Variants in GSE1 observed in about 807,000 individuals in gnomAD.
GSE1 encodes the protein genetic suppressor element 1.
A neutral mutation model predicts 112.6 loss-of-function variants in GSE1; 32 were observed. The observed-to-expected ratio is 0.28, with a 90% CI of 0.21 to 0.38. The LOEUF (loss-of-function observed/expected upper bound fraction) is 0.38. Among genes scored for constraint, GSE1 ranks in the 10% least tolerant of loss-of-function variants. The probability of loss-of-function intolerance (pLI) is 1.00; values close to 1 mark genes in which losing one functional copy is unlikely to be tolerated. For synonymous variants in GSE1, 1,115 were observed against 735.6 expected, an observed-to-expected ratio of 1.52 and a Z score of -8.35; for missense variants, 2,348 against 1,699.2, an observed-to-expected ratio of 1.38 and a Z score of -6.71.
At chr16:85,294,471 C>T (rs1336831575) in intron 1 of GSE1, among the ~76,000 whole-genome samples, 1 of 152,110 alleles carries the variant, frequency 6.6e-6, no homozygotes, top group Non-Finnish European at 1.5e-5. Context: ...AGGTTGGTTC[C>T]AGGTTCTGCT....
At chr16:85,277,045 A>G (rs1909438439) in intron 1 of GSE1, among the ~76,000 whole-genome samples, 3 of 152,136 alleles carry the variant, frequency 2.0e-5, no homozygotes, top group African/African-American at 7.2e-5. Flanking sequence ...TGGCATCTTC[A>G]AAGTCCCTAA....
intron 2 of GSE1, among the ~76,000 whole-genome samples, chr16:85,516,723 C>G (rs1203105529): frequency 2.6e-5 from 4 of 151,754 alleles, no homozygotes; most frequent in African/African-American, 9.7e-5. Flanking sequence ...TTTGAGGAGC[C>G]AGGTGGTATT....
chr16:85,468,312 C>CTT lies in GSE1; in HGVS notation c.2464+110690_2464+110691dup, dbSNP rs55873035. On this transcript the variant is annotated intron_variant, in intron 2 of 2. Transcript: ENST00000637419. The stretch of plus-strand genomic sequence containing the variant: ...CTTCTTCTTGTAGGGCCCTTCTTTC[C>CTT]TTTTTTTTTTTTTTTTTTTTTTGAG... 6.5e-3 allele frequency among the ~76,000 whole-genome samples: 753 copies of CTT among 116,602 alleles called. 11 individuals carry two copies. The highest frequency in any genetic ancestry group is 0.015 in the African/African-American group (439 of 29,326). 76.5% of individuals were successfully genotyped at this position (116,602 alleles called of 152,430 possible).
chr16:85,379,403 G>C (rs1421725116), intron 2 of GSE1, among the ~76,000 whole-genome samples: 6 of 152,222 alleles, frequency 3.9e-5, no homozygotes, highest in Non-Finnish European at 7.3e-5. Context: ...GTCAGATGTA[G>C]AAGGGAGAAC....
At chr16:85,206,672 G>A (rs1235075963) in intron 1 of GSE1, among the ~76,000 whole-genome samples, 33 of 69,486 alleles carry the variant, frequency 4.7e-4, no homozygotes, top group Non-Finnish European at 8.3e-4. Flanking sequence ...GCCCCTGCCC[G>A]TCCCCTCCCC....
At chr16:85,518,231 G>C (rs114312639) in intron 2 of GSE1, among the ~76,000 whole-genome samples, 1 of 152,224 alleles carries the variant, frequency 6.6e-6, no homozygotes, top group East Asian at 1.9e-4. Flanking sequence ...TGTGCCCCCC[G>C]GGGTCAGTTC....
chr16:85,206,773 A>C (rs925406684), intron 1 of GSE1, among the ~76,000 whole-genome samples: 1 of 150,254 alleles, frequency 6.7e-6, no homozygotes, highest in Non-Finnish European at 1.5e-5. Flanking sequence ...GGCCGCCAGG[A>C]TGGAGGTGCT....
intron 2 of GSE1, among the ~76,000 whole-genome samples, chr16:85,644,030 A>T (rs1567707046): frequency 6.6e-6 from 1 of 152,088 alleles, no homozygotes; most frequent in Non-Finnish European, 1.5e-5. Flanking sequence ...AGGGCTTTCC[A>T]TGAAGTAGGG....
At chr16:85,319,361 G>C (rs747475064) in intron 1 of GSE1, among the ~76,000 whole-genome samples, 28 of 152,212 alleles carry the variant, frequency 1.8e-4, no homozygotes, top group Non-Finnish European at 3.7e-4. Flanking sequence ...TAACCAGGCT[G>C]CAGTGAGCCG....
intron 1 of GSE1, among the ~76,000 whole-genome samples, chr16:85,261,872 G>T (rs1455899599): frequency 1.3e-5 from 2 of 152,192 alleles, no homozygotes; most frequent in African/African-American, 4.8e-5. Flanking sequence ...CTGTGATTTG[G>T]TGCCCGCTTT....
intron 1 of GSE1, among the ~76,000 whole-genome samples, chr16:85,320,045 T>C (rs1158268387): frequency 6.6e-6 from 1 of 152,172 alleles, no homozygotes; most frequent in East Asian, 1.9e-4. Context: ...GGTTCTCAGA[T>C]GGATAATGAC....
chr16:85,651,911 T>A (rs73253210), intron 3 of GSE1, among the ~76,000 whole-genome samples: 53 of 152,254 alleles, frequency 3.5e-4, no homozygotes, highest in African/African-American at 1.2e-3. Flanking sequence ...CACTCCGTCT[T>A]GTTAAGTCCA....
chr16:85,628,779 T>G (rs2049287317), intron 1 of GSE1, among the ~76,000 whole-genome samples: 1 of 152,180 alleles, frequency 6.6e-6, no homozygotes, highest in African/African-American at 2.4e-5. Flanking sequence ...AAGACATAGC[T>G]CTTCTCGTTG....
chr16:85,313,982 G>A (rs1038090008), intron 1 of GSE1, among the ~76,000 whole-genome samples: 1 of 150,214 alleles, frequency 6.7e-6, no homozygotes, highest in Admixed American at 6.6e-5. Context: ...ACAGCCTAGT[G>A]TGTGTATGTG....
intron 2 of GSE1, among the ~76,000 whole-genome samples, chr16:85,504,511 G>A (rs2051473287): frequency 6.6e-6 from 1 of 152,210 alleles, no homozygotes; most frequent in African/African-American, 2.4e-5. Context: ...TTTCCAGGTA[G>A]CATACGGTTA....
At chr16:85,663,684 GGGCCGGT>G in intron 11 of GSE1, 70 bp downstream of exon 11, 1 of 1,469,040 alleles carries the variant, frequency 6.8e-7, no homozygotes, top group Non-Finnish European at 9.3e-7. Context: ...GCAGCAGGTG[GGGCCGGT>G]GGACTCCAGG....
intron 1 of GSE1, among the ~76,000 whole-genome samples, chr16:85,288,653 A>G (rs536502276): frequency 6.6e-6 from 1 of 152,190 alleles, no homozygotes; most frequent in Non-Finnish European, 1.5e-5. Flanking sequence ...GATGCAGTCT[A>G]TTCTGTCCTG....
rs754016482 is a variant in GSE1 at position 85,661,174 on chromosome 16, G to A, written c.1669G>A (p.Gly557Ser). Residue 557 changes from glycine to serine, a missense_variant, in exon 9 of 16, where the codon GGC (glycine) becomes AGC (serine). Physicochemically the swap from Gly to Ser is moderately conservative, Grantham distance 56. Coordinates refer to ENST00000253458, the MANE Select transcript of GSE1 (RefSeq NM_014615.5). The stretch of plus-strand genomic sequence containing the variant: ...AGGACCAAACCGTCACGAGCCAGGT[G>A]GCCGTGACCCTCCGCAGCACTTTGG... ...RPGPNRHEPGGRDPPQHFGGP... is the reference protein window; with the variant it reads ...RPGPNRHEPGSRDPPQHFGGP... 3 of 1,595,694 alleles carry A rather than the reference G, an allele frequency of 1.9e-6. No individual in the cohort carries two copies. Among genetic ancestry groups the A allele is most frequent in the Non-Finnish European group, 1.7e-6 (2 of 1,166,534 alleles).
At chr16:85,408,554 C>A (rs563445076) in intron 2 of GSE1, among the ~76,000 whole-genome samples, 1 of 35,232 alleles carries the variant, frequency 2.8e-5, no homozygotes, top group Non-Finnish European at 6.1e-5. Flanking sequence ...ACTCAGGGCC[C>A]CCCGGATAAT....
Sources: gnomAD v4.1 joint callset for allele counts (sites outside exome capture counted in the v4.1 genomes callset) on GRCh38, gnomAD v4.1.1 for gene constraint, MANE v1.5 for transcripts, NCBI Gene and HGNC (gene_info 2026-07-23, HGNC 2026-07-21) for gene names.